The following CFAP54 variants were observed in gnomAD, a reference collection of about 807,000 sequenced individuals.
CFAP54 encodes the protein cilia- and flagella-associated protein 54.
In CFAP54, 290 loss-of-function variants were observed where a neutral mutation model predicts 370.4. The observed-to-expected ratio is 0.78, with a 90% confidence interval of 0.71 to 0.86. The LOEUF is 0.86. CFAP54 is among the 40% of genes least tolerant of loss of function. The probability of loss-of-function intolerance (pLI) is 0.00; values close to 1 mark genes in which losing one functional copy is unlikely to be tolerated. For missense variants in CFAP54, 3,399 were observed against 3,528.7 expected (o/e 0.96, Z 0.93); for synonymous variants, 1,206 against 1,236.5 (o/e 0.98, Z 0.52).
At chr12:96,616,467 A>C (rs1592886135) in intron 26 of CFAP54, among the ~76,000 whole-genome samples, 1 of 152,352 alleles carries the variant, frequency 6.6e-6, no homozygotes, top group East Asian at 1.9e-4. Flanking sequence ...CATACATAAC[A>C]AAACTGCATG....
In CFAP54 at chr12:96,743,901, A is replaced by G. The variant is rs767745184; in HGVS notation, c.7548A>G (p.Leu2516=). ...TGTTAACTCGGGCTCATAGCATTCTAACTGAACAGGTGAGAATGCTTTTGT... is the reference window on the plus strand; with the variant it reads ...TGTTAACTCGGGCTCATAGCATTCTGACTGAACAGGTGAGAATGCTTTTGT... ...LNLLTRAHSI[L]TEQMLAFGET... is the part of the protein sequence containing the mutation. Residue 2516 remains leucine (L), a synonymous_variant, in exon 54 of 68, where the codon CTA becomes CTG. Transcript: ENST00000524981. 7 of 1,612,504 alleles carry G rather than the reference A, an allele frequency of 4.3e-6. No individual in the cohort carries two copies. The highest frequency in any genetic ancestry group is 1.7e-4 in the Middle Eastern group (1 of 6,046).
chr12:96,710,362 A>C (rs1157837130), intron 48 of CFAP54, among the ~76,000 whole-genome samples: 1 of 152,200 alleles, frequency 6.6e-6, no homozygotes, highest in South Asian at 2.1e-4. Flanking sequence ...TGTGTTTGCT[A>C]TGCAAATGGA....
intron 26 of CFAP54, among the ~76,000 whole-genome samples, chr12:96,611,847 A>G (rs1956361911): frequency 6.6e-6 from 1 of 152,232 alleles, no homozygotes; most frequent in Admixed American, 6.5e-5. Flanking sequence ...TTAGAGAAAA[A>G]AGAGTAAAAA....
At chr12:96,805,966 G>A (rs916663920) in intron 63 of CFAP54, among the ~76,000 whole-genome samples, 2 of 150,962 alleles carry the variant, frequency 1.3e-5, no homozygotes, top group African/African-American at 4.9e-5. Flanking sequence ...CAGCCAAATA[G>A]CACATGTTCT....
At chr12:96,824,654 G>C (rs770374913) in intron 65 of CFAP54, among the ~76,000 whole-genome samples, 5 of 152,040 alleles carry the variant, frequency 3.3e-5, no homozygotes, top group Non-Finnish European at 7.4e-5. Flanking sequence ...ACTAGTGCTG[G>C]GTAGTCTGCC....
intron 67 of CFAP54, among the ~76,000 whole-genome samples, chr12:96,861,762 A>G (rs2136464238): frequency 6.6e-6 from 1 of 152,332 alleles, no homozygotes; most frequent in African/African-American, 2.4e-5. Flanking sequence ...TGAATTAATA[A>G]GGTGCTTAGC....
chr12:96,794,634 A>G lies in CFAP54; in HGVS notation c.8850+2135A>G, dbSNP rs968978358. On this transcript the variant is annotated intron_variant, in intron 63 of 67. Transcript: ENST00000524981. The stretch of plus-strand genomic sequence containing the variant: ...TGTCTATTTCTCTGAAGATTTTTCC[A>G]TCCATATCTTGTAACATTTAAAACA... Among the ~76,000 whole-genome samples, 6 of 151,896 alleles carry G rather than the reference A, an allele frequency of 4.0e-5. No individual in the cohort carries two copies. In the South Asian group the frequency reaches 8.3e-4, roughly 21 times the overall value.
chr12:96,600,664 G>T (rs959254728), intron 26 of CFAP54, among the ~76,000 whole-genome samples: 5 of 151,880 alleles, frequency 3.3e-5, no homozygotes, highest in African/African-American at 1.2e-4. Context: ...TTATTTCGTT[G>T]AGCAGTGGTT....
intron 62 of CFAP54, among the ~76,000 whole-genome samples, chr12:96,792,068 T>G (rs1267988309): frequency 6.6e-6 from 1 of 152,104 alleles, no homozygotes; most frequent in Non-Finnish European, 1.5e-5. Context: ...GCCAGACTGG[T>G]CTCGAACTCC....
intron 66 of CFAP54, among the ~76,000 whole-genome samples, chr12:96,845,383 G>A (rs1959310130): frequency 6.6e-6 from 1 of 152,312 alleles, no homozygotes; most frequent in Middle Eastern, 3.4e-3. Context: ...CTCCCCTTCA[G>A]GATTGAAAAC....
intron 63 of CFAP54, among the ~76,000 whole-genome samples, chr12:96,802,099 A>C (rs1958825910): frequency 6.6e-6 from 1 of 152,110 alleles, no homozygotes; most frequent in South Asian, 2.1e-4. Context: ...CCCCAACTTC[A>C]GAACGAGTTT....
At chr12:96,825,961 A>G (rs1198709594) in intron 65 of CFAP54, among the ~76,000 whole-genome samples, 1 of 142,450 alleles carries the variant, frequency 7.0e-6, no homozygotes, top group Non-Finnish European at 1.5e-5. Flanking sequence ...ATAAATTAAT[A>G]TATAACATAA....
chr12:96,613,841 G>GGCCAAT (rs1956387030), intron 26 of CFAP54, among the ~76,000 whole-genome samples: 1 of 148,868 alleles, frequency 6.7e-6, no homozygotes, highest in Admixed American at 6.7e-5. Flanking sequence ...TCCATGAATA[G>GGCCAAT]AACAGGCTCT....
chr12:96,697,942 T>G, intron 45 of CFAP54, among the ~76,000 whole-genome samples: 1 of 152,206 alleles, frequency 6.6e-6, no homozygotes, highest in East Asian at 1.9e-4. Flanking sequence ...CCTTGCTCCC[T>G]GAGTTCTGCC....
At chr12:96,709,445 C>T (rs1448439484) in intron 48 of CFAP54, among the ~76,000 whole-genome samples, 1 of 152,116 alleles carries the variant, frequency 6.6e-6, no homozygotes, top group Non-Finnish European at 1.5e-5. Context: ...TGATTTTTAC[C>T]ATTCAGTATG....
At chr12:96,581,871 A>T (rs1286618087) in intron 22 of CFAP54, among the ~76,000 whole-genome samples, 1 of 152,150 alleles carries the variant, frequency 6.6e-6, no homozygotes, top group African/African-American at 2.4e-5. Flanking sequence ...TGGATATATA[A>T]TAGTTTGTTA....
intron 26 of CFAP54, among the ~76,000 whole-genome samples, chr12:96,607,162 T>A (rs1956310173): frequency 6.6e-6 from 1 of 152,188 alleles, no homozygotes; most frequent in Admixed American, 6.5e-5. Flanking sequence ...CTGGAGAGAC[T>A]GCTATGACCT....
intron 24 of CFAP54, among the ~76,000 whole-genome samples, chr12:96,594,018 T>C (rs1156765545): frequency 6.6e-6 from 1 of 152,140 alleles, no homozygotes; most frequent in East Asian, 1.9e-4. Context: ...CATAAAAATA[T>C]AGCCAAGTTT....
At chr12:96,525,756 T>C (rs1955373087) in intron 8 of CFAP54, among the ~76,000 whole-genome samples, 1 of 152,202 alleles carries the variant, frequency 6.6e-6, no homozygotes, top group Non-Finnish European at 1.5e-5. Flanking sequence ...AATGGCATGA[T>C]CTTGGCTCAC....
Sources: gnomAD v4.1 joint callset for allele counts (sites outside exome capture counted in the v4.1 genomes callset) on GRCh38, gnomAD v4.1.1 for gene constraint, MANE v1.5 for transcripts, NCBI Gene and HGNC (gene_info 2026-07-23, HGNC 2026-07-21) for gene names.